The following COMMD4 variants were observed in gnomAD, a reference collection of about 807,000 sequenced individuals.
COMMD4 encodes COMM domain-containing protein 4.
Under a neutral mutation model 27.5 loss-of-function variants are expected in COMMD4, and 18 were observed. The ratio of observed to expected loss-of-function variants is 0.65; its 90% CI spans 0.45 to 0.97. The LOEUF (loss-of-function observed/expected upper bound fraction) is 0.97, where lower values mean the gene tolerates loss of function less well. COMMD4 is among the 50% of genes least tolerant of loss of function. COMMD4 has a pLI of 0.00. For missense variants in COMMD4, 243 were observed against 250.0 expected (o/e 0.97, Z 0.19); for synonymous variants, 108 against 108.4 (o/e 1.00, Z 0.02).
At position 75,339,732 on chromosome 15, in the gene COMMD4, T is replaced by C; in HGVS notation, c.413T>C (p.Val138Ala). Residue 138 changes from valine (V) to alanine (A), a missense_variant, in exon 7 of 8, where the codon GTG (valine) becomes GCG (alanine). Transcript: ENST00000267935. Reference protein sequence around the residue: ...MNRLAGVGWRVDYTLSSSLLQ... With the variant: ...MNRLAGVGWRADYTLSSSLLQ... Reference sequence around the variant, plus strand: ...AGGTTGGCAGGTGTGGGCTGGCGGGTGGACTACACCCTGAGCTCCAGCCTG... The same window carrying C: ...AGGTTGGCAGGTGTGGGCTGGCGGGCGGACTACACCCTGAGCTCCAGCCTG... 2 of 1,598,004 alleles carry C rather than the reference T, an allele frequency of 1.3e-6. No individual in the cohort carries two copies. The highest frequency in any genetic ancestry group is 1.7e-6 in the Non-Finnish European group (2 of 1,172,210).
rs1179533433 is a variant in COMMD4 at position 75,337,169 on chromosome 15, G to C, written c.4-893G>C. 1.3e-5 allele frequency: 2 copies of C among 152,352 alleles called. 1 individual carries two copies. Among genetic ancestry groups the C allele is most frequent in the South Asian group, 4.1e-4 (2 of 4,826 alleles). The allele number at this position is 152,352 out of a possible 1,614,324, so 9.4% of individuals were successfully genotyped here. ...GCACTTTGGGAGAGTGAAGAGGGTG[G>C]ATCACCTGAGGTCAGGAGTTCGAGA... On this transcript the variant is annotated intron_variant, in intron 1 of 7. Transcript: ENST00000267935.
Position 75,339,710 on chromosome 15 carries a change from T to C in COMMD4, c.391T>C (p.Leu131=), listed in dbSNP as rs1481614141. The change falls in exon 7 of 8, where the codon TTG becomes CTG. Residue 131 remains leucine, a synonymous_variant. Transcript: ENST00000267935. ...LRVCSLRMNR[L]AGVGWRVDYT... ...CCCACCCCATCTCACAGTGAATAGG[T>C]TGGCAGGTGTGGGCTGGCGGGTGGA... 1 of 1,594,800 alleles carries C rather than the reference T, an allele frequency of 6.3e-7. No individual in the cohort carries two copies. The highest frequency in any genetic ancestry group is 8.6e-7 in the Non-Finnish European group (1 of 1,169,298).
intron 1 of COMMD4, chr15:75,336,557 G>A: frequency 3.7e-6 from 1 of 267,980 alleles, no homozygotes; most frequent in East Asian, 7.3e-5. Flanking sequence ...TAGTTTTGGG[G>A]TTGAGACTTA....
At chr15:75,340,579 C>T (rs766587493), downstream of COMMD4, among the ~76,000 whole-genome samples, 2 of 152,146 alleles carry the variant, frequency 1.3e-5, no homozygotes, top group Non-Finnish European at 2.9e-5. Flanking sequence ...AGGAGATTGC[C>T]CTTGTTTCAC....
chr15:75,341,051 TGCTGAA>T (rs2071424734), downstream of COMMD4: 1 of 152,266 alleles, frequency 6.6e-6, no homozygotes, highest in Non-Finnish European at 1.5e-5. Context: ...AGAATTCATA[TGCTGAA>T]GCCTCTGTCC....
chr15:75,340,036 C>G lies in COMMD4; in HGVS notation c.*31C>G, dbSNP rs201193312. ...AGGGTGTTCCAGGCCTGTGTGGAGC[C>G]GCCCTGCCCGTATGGAGTCACGCCC... On this transcript the variant is annotated 3_prime_UTR_variant, in exon 8 of 8. Transcript: ENST00000267935. The G allele has an allele frequency of 6.2e-7, 1 of 1,612,550 alleles. No individual in the cohort carries two copies. The highest frequency in any genetic ancestry group is 1.3e-5 in the African/African-American group (1 of 75,002).
chr15:75,337,588 C>G (rs111467165), intron 1 of COMMD4: 1 of 153,460 alleles, frequency 6.5e-6, no homozygotes, highest in Non-Finnish European at 1.4e-5. Flanking sequence ...GTGAAACTGT[C>G]TCAAAAAAAA....
In COMMD4 at chr15:75,340,058, G is replaced by A. The variant is rs1194735449; in HGVS notation, c.*53G>A. The A allele has an allele frequency of 7.5e-6, 12 of 1,602,600 alleles. No homozygotes were observed. The highest frequency in any genetic ancestry group is 1.3e-5 in the African/African-American group (1 of 74,586). On this transcript the variant is annotated 3_prime_UTR_variant, in exon 8 of 8. Coordinates refer to ENST00000267935, the MANE Select transcript of COMMD4 (RefSeq NM_017828.5). ...AGCCGCCCTGCCCGTATGGAGTCACGCCCTCTGAACTGCTCTTCGGGAGGC... is the reference window on the plus strand; with the variant it reads ...AGCCGCCCTGCCCGTATGGAGTCACACCCTCTGAACTGCTCTTCGGGAGGC...
Position 75,338,111 on chromosome 15 carries a change from A to G in COMMD4, c.53A>G (p.Glu18Gly), listed in dbSNP as rs1242912609. ...DLDCPDWVLA[E>G]ISTLAKMSSV... ...GACTGTCCCGACTGGGTCCTGGCAG[A>G]AATCAGCACGCTGGCCAAGATGGTT... Residue 18 changes from glutamate (E) to glycine (G), a missense_variant, in exon 2 of 8, where the codon GAA becomes GGA. By Grantham distance (98) the Glu-to-Gly change is moderately conservative (BLOSUM62 -2). Transcript: ENST00000267935. 2 of 1,607,824 alleles carry G rather than the reference A, an allele frequency of 1.2e-6. No homozygotes were observed. The highest frequency in any genetic ancestry group is 1.3e-5 in the African/African-American group (1 of 74,892).
Position 75,340,254 on chromosome 15 carries a change from T to TAA in COMMD4, c.*251_*252dup. ...TGGCTGTTTTCATAAGCAGGAAAAA[T>TAA]AAACAGAAGTATAAAGGAATGTGTG... On this transcript the variant is annotated 3_prime_UTR_variant, in exon 8 of 8. Transcript: ENST00000267935. 1.8e-6 allele frequency: 1 copy of TAA among 567,852 alleles called. No individual in the cohort carries two copies. The highest frequency in any genetic ancestry group is 3.1e-6 in the Non-Finnish European group (1 of 317,512). The allele number at this position is 567,852 out of a possible 1,614,324, so 35.2% of individuals were successfully genotyped here. A position where few individuals can be genotyped will look rare whatever the true frequency, so the allele number is the denominator to read the frequency against.
intron 1 of COMMD4, chr15:75,337,590 CAA>C (rs1187298844): frequency 2.6e-3 from 239 of 93,068 alleles, no homozygotes; most frequent in Admixed American, 5.7e-3. Flanking sequence ...GAAACTGTCT[CAA>C]AAAAAAAAAA....
chr15:75,338,124 G>A lies in COMMD4; in HGVS notation c.66G>A (p.Leu22=), dbSNP rs778308864. ...PDWVLAEIST[L]AKMSSVKLRL... ...GGGTCCTGGCAGAAATCAGCACGCT[G>A]GCCAAGATGGTTGAGTGCACAGGGT... Residue 22 remains leucine, a synonymous_variant, in exon 2 of 8, where the codon CTG becomes CTA. Transcript: ENST00000267935. 2 of 1,604,328 alleles carry A rather than the reference G, an allele frequency of 1.2e-6. No individual in the cohort carries two copies. The highest frequency in any genetic ancestry group is 2.2e-5 in the South Asian group (2 of 89,164).
chr15:75,339,847 C>G lies in COMMD4; in HGVS notation c.528C>G (p.Leu176=). The change falls in exon 7 of 8, where the codon CTC becomes CTG. Residue 176 remains leucine (L), a synonymous_variant. Coordinates refer to ENST00000267935, the MANE Select transcript of COMMD4 (RefSeq NM_017828.5). ...CAGCCCAGCCTGTTGCCATGTCCCT[C>G]TCAGCAGACAAGTTCCAGGTCCTCC... ...GTPAQPVAMS[L]SADKFQVLLA... 6.2e-7 allele frequency: 1 copy of G among 1,613,772 alleles called. No homozygotes were observed. The highest frequency in any genetic ancestry group is 1.3e-5 in the African/African-American group (1 of 75,064).
rs371574355 is a variant in COMMD4, at chr15:75,338,103, C to G, written c.45C>G (p.Val15=). 20 of 1,608,606 alleles carry G rather than the reference C, an allele frequency of 1.2e-5. No individual in the cohort carries two copies. The highest frequency in any genetic ancestry group is 1.3e-5 in the Non-Finnish European group (15 of 1,177,440). ...FCGDLDCPDW[V]LAEISTLAKM... is the part of the protein sequence containing the mutation. ...GTGATCTGGACTGTCCCGACTGGGTCCTGGCAGAAATCAGCACGCTGGCCA... is the reference window on the plus strand; with the variant it reads ...GTGATCTGGACTGTCCCGACTGGGTGCTGGCAGAAATCAGCACGCTGGCCA... Residue 15 remains valine (V), a synonymous_variant, in exon 2 of 8, where the codon GTC becomes GTG. Transcript: ENST00000267935.
chr15:75,339,029 C>T lies in COMMD4; in HGVS notation c.226C>T (p.Leu76Phe). 6.2e-7 allele frequency: 1 copy of T among 1,613,894 alleles called. No homozygotes were observed. The highest frequency in any genetic ancestry group is 8.5e-7 in the Non-Finnish European group (1 of 1,179,888). ...KATVAVLSFI[L>F]SSAAKHSVDG... ...CACAGTGGCAGTGCTGAGTTTCATC[C>T]TCTCCAGTGCGGCCAAGCACAGTGT... The change falls in exon 5 of 8, where the codon CTC becomes TTC. Residue 76 changes from leucine to phenylalanine, a missense_variant. By Grantham distance (22) the Leu-to-Phe change is conservative. Coordinates refer to ENST00000267935, the MANE Select transcript of COMMD4 (RefSeq NM_017828.5).
At position 75,340,042 on chromosome 15, in the gene COMMD4, G is replaced by A. The variant is rs906669980; in HGVS notation, c.*37G>A. On this transcript the variant is annotated 3_prime_UTR_variant, in exon 8 of 8. Coordinates refer to ENST00000267935, the MANE Select transcript of COMMD4 (RefSeq NM_017828.5). Reference sequence around the variant, plus strand: ...TTCCAGGCCTGTGTGGAGCCGCCCTGCCCGTATGGAGTCACGCCCTCTGAA... The same window carrying A: ...TTCCAGGCCTGTGTGGAGCCGCCCTACCCGTATGGAGTCACGCCCTCTGAA... 19 of 1,611,626 alleles carry A rather than the reference G, an allele frequency of 1.2e-5. No individual in the cohort carries two copies. The highest frequency in any genetic ancestry group is 1.4e-5 in the Non-Finnish European group (17 of 1,178,934).
intron 6 of COMMD4, 92 bp from the exon 7 acceptor site, chr15:75,339,610 C>G: frequency 7.2e-7 from 1 of 1,393,938 alleles, no homozygotes; most frequent in Admixed American, 2.3e-5. Flanking sequence ...GGCCACATAG[C>G]CTTGAATGGT....
At chr15:75,336,954 A>G (rs2071220170) in intron 1 of COMMD4, 1 of 152,288 alleles carries the variant, frequency 6.6e-6, no homozygotes, top group African/African-American at 2.4e-5. Context: ...GGAGAGTATC[A>G]TCTGCAGGTT....
intron 1 of COMMD4, 153 bp from the exon 2 acceptor site, chr15:75,337,909 C>T (rs1278243818): frequency 4.0e-6 from 3 of 740,984 alleles, no homozygotes; most frequent in East Asian, 2.7e-5. Flanking sequence ...GTTTACTCAA[C>T]AGCCTGGTGA....
Sources: allele counts gnomAD v4.1 joint callset (sites outside exome capture counted in the v4.1 genomes callset), GRCh38; gene constraint gnomAD v4.1.1; transcripts MANE v1.5; gene names NCBI Gene and HGNC (gene_info 2026-07-23, HGNC 2026-07-21).